BORA: variants seen among roughly 807,000 people sequenced by gnomAD.
The protein encoded by BORA is protein aurora borealis.
Under a neutral mutation model 55.8 loss-of-function variants are expected in BORA, and 26 were observed. The ratio of observed to expected loss-of-function variants is 0.47; its 90% CI spans 0.34 to 0.65. The LOEUF (loss-of-function observed/expected upper bound fraction) is 0.65, where lower values mean the gene tolerates loss of function less well. BORA is among the 30% of genes least tolerant of loss of function. The pLI is 0.01. For synonymous variants in BORA, 201 were observed against 216.9 expected (o/e 0.93, Z 0.64); for missense variants, 568 against 671.5 (o/e 0.85, Z 1.70).
At position 72,731,850 on chromosome 13, in the gene BORA, A is replaced by G. The variant is rs149701506; in HGVS notation, c.260+463A>G. 1.7e-3 allele frequency among the ~76,000 whole-genome samples: 253 copies of G among 152,348 alleles called. 1 individual carries two copies. The highest frequency in any genetic ancestry group is 5.5e-3 in the African/African-American group (229 of 41,586). Reference sequence around the variant, plus strand: ...CTGAATGGAAGGGTATCCATTAGCAACAGAGCGGTTTTTTAGACATCATCC... The same window carrying G: ...CTGAATGGAAGGGTATCCATTAGCAGCAGAGCGGTTTTTTAGACATCATCC... On this transcript the variant is annotated intron_variant, in intron 3 of 11. Coordinates refer to ENST00000390667, the MANE Select transcript of BORA (RefSeq NM_024808.5).
At chr13:72,735,566 T>A (rs904386503) in intron 4 of BORA, among the ~76,000 whole-genome samples, 1 of 152,190 alleles carries the variant, frequency 6.6e-6, no homozygotes, top group African/African-American at 2.4e-5. Context: ...TTTTTATGTC[T>A]GTTGAATTGC....
rs2033430370 is a variant in BORA, at chr13:72,755,369, T to C, written c.*153T>C. On this transcript the variant is annotated 3_prime_UTR_variant, in exon 12 of 12. Transcript: ENST00000390667. ...GTGAAAAATCAAGGGCTTACTGACA[T>C]AGGAACAACAGAAATGCTCCTGGAA... 3 of 578,676 alleles carry C rather than the reference T, an allele frequency of 5.2e-6. No homozygotes were observed. Among genetic ancestry groups the C allele is most frequent in the Middle Eastern group, 5.3e-4 (2 of 3,758 alleles). The allele number at this position is 578,676 out of a possible 1,614,324, so 35.8% of individuals were successfully genotyped here.
At position 72,735,081 on chromosome 13, in the gene BORA, T is replaced by C. The variant is rs146117511; in HGVS notation, c.306+76T>C. On this transcript the variant is annotated intron_variant, in intron 4 of 11. Transcript: ENST00000390667. ...TGTACATCACTTCTTTTAGGAAGACTTTCTTCAATTCCTTCACTGTCCTAT... is the reference window on the plus strand; with the variant it reads ...TGTACATCACTTCTTTTAGGAAGACCTTCTTCAATTCCTTCACTGTCCTAT... The C allele has an allele frequency of 1.2e-3, 1,408 of 1,165,612 alleles. 14 individuals are homozygous for C. In the African/African-American group the frequency reaches 0.019, roughly 16 times the overall value. 72.2% of individuals were successfully genotyped at this position (1,165,612 alleles called of 1,614,324 possible). A position where few individuals can be genotyped will look rare whatever the true frequency, so the allele number is the denominator to read the frequency against.
At position 72,755,260 on chromosome 13, in the gene BORA, C is replaced by A; in HGVS notation, c.*44C>A. Reference sequence around the variant, plus strand: ...AAAGACTAAGCTTAAGAGTTCCTCGCATATATCGTTGTGCACAGGATCAAC... The same window carrying A: ...AAAGACTAAGCTTAAGAGTTCCTCGAATATATCGTTGTGCACAGGATCAAC... On this transcript the variant is annotated 3_prime_UTR_variant, in exon 12 of 12. Transcript: ENST00000390667. 1 of 1,507,940 alleles carries A rather than the reference C, an allele frequency of 6.6e-7. No homozygotes were observed. The highest frequency in any genetic ancestry group is 9.2e-7 in the Non-Finnish European group (1 of 1,086,242). 93.4% of individuals were successfully genotyped at this position (1,507,940 alleles called of 1,614,324 possible).
intron 5 of BORA, among the ~76,000 whole-genome samples, chr13:72,739,310 GA>G (rs2032991499): frequency 6.6e-6 from 1 of 152,066 alleles, no homozygotes; most frequent in Non-Finnish European, 1.5e-5. Context: ...AGTGATGCAG[GA>G]TCAAGAAGAT....
At chr13:72,734,457 GTTATA>G in intron 3 of BORA, among the ~76,000 whole-genome samples, 1 of 152,202 alleles carries the variant, frequency 6.6e-6, no homozygotes, top group East Asian at 1.9e-4. Flanking sequence ...TGGAAAAAAT[GTTATA>G]TTGTCAGTGT....
chr13:72,746,888 TGTTGCA>T lies in BORA; in HGVS notation c.1261_1266del (p.Leu421_Gln422del). On this transcript the variant is annotated inframe_deletion, in exon 10 of 12. Transcript: ENST00000390667. Reference sequence around the variant, plus strand: ...AGTGCTTCTGAGAAAGAATTAGCACTGTTGCAGGATGTTGAAAGGGAGAAAGACAAT... The same window carrying T: ...AGTGCTTCTGAGAAAGAATTAGCACTGGATGTTGAAAGGGAGAAAGACAAT... 1 of 1,614,152 alleles carries T rather than the reference TGTTGCA, an allele frequency of 6.2e-7. No individual in the cohort carries two copies. The highest frequency in any genetic ancestry group is 1.6e-4 in the Middle Eastern group (1 of 6,062).
At chr13:72,753,507 A>G in intron 10 of BORA, 183 bp from the exon 11 acceptor site, 1 of 531,772 alleles carries the variant, frequency 1.9e-6, no homozygotes, top group East Asian at 3.2e-5. Flanking sequence ...GACTACAATA[A>G]TCAGTACTAT....
intron 4 of BORA, among the ~76,000 whole-genome samples, 190 bp from the exon 5 acceptor site, chr13:72,737,772 A>C (rs1414857083): frequency 6.6e-6 from 1 of 152,176 alleles, no homozygotes; most frequent in Admixed American, 6.5e-5. Context: ...GTTGATTTGA[A>C]GTATTAAGAT....
At chr13:72,751,374 A>C (rs1167710470) in intron 10 of BORA, among the ~76,000 whole-genome samples, 1 of 152,190 alleles carries the variant, frequency 6.6e-6, no homozygotes, top group East Asian at 1.9e-4. Flanking sequence ...AGATGAATGG[A>C]TAAAGAAAAT....
intron 10 of BORA, among the ~76,000 whole-genome samples, chr13:72,748,668 C>T (rs1479913479): frequency 6.6e-6 from 1 of 152,136 alleles, no homozygotes. Flanking sequence ...CACATATAGG[C>T]TTAAAAGTAT....
chr13:72,728,092 C>T, intron 1 of BORA, 85 bp downstream of exon 1: 4 of 1,520,368 alleles, frequency 2.6e-6, no homozygotes, highest in Non-Finnish European at 3.6e-6. Context: ...TGCCTGCCCG[C>T]TCGCCCCTGG....
At chr13:72,744,015 G>A (rs1229887748) in intron 6 of BORA, among the ~76,000 whole-genome samples, 1 of 152,144 alleles carries the variant, frequency 6.6e-6, no homozygotes, top group Non-Finnish European at 1.5e-5. Context: ...AGGATTACAG[G>A]CATGAGCCAC....
rs368340273 is a variant in BORA, at chr13:72,740,508, A to G, written c.388+2465A>G. ...ACAATATTCACATTTCAGGTGCTCAATAGCCATGTGGATATCGAGTAGTAT... is the reference window on the plus strand; with the variant it reads ...ACAATATTCACATTTCAGGTGCTCAGTAGCCATGTGGATATCGAGTAGTAT... On this transcript the variant is annotated intron_variant, in intron 5 of 11. Transcript: ENST00000390667. Among the ~76,000 whole-genome samples, 68 of 152,302 alleles carry G rather than the reference A, an allele frequency of 4.5e-4. 1 individual carries two copies. The highest frequency in any genetic ancestry group is 1.5e-3 in the African/African-American group (63 of 41,570).
rs1177757014 is a variant in BORA at position 72,755,692 on chromosome 13, A to T, written c.*476A>T. The T allele has an allele frequency of 1.8e-5, 7 of 395,342 alleles. No homozygotes were observed. Among genetic ancestry groups the T allele is most frequent in the Admixed American group, 4.4e-5 (1 of 22,676 alleles). The allele number at this position is 395,342 out of a possible 1,614,324, so 24.5% of individuals were successfully genotyped here. ...ACTAACTTTTCAAAGATACAAAAGA[A>T]ATTAAACAGGTTTCCTGAAATTTTA... On this transcript the variant is annotated 3_prime_UTR_variant, in exon 12 of 12. Coordinates refer to ENST00000390667, the MANE Select transcript of BORA (RefSeq NM_024808.5).
At chr13:72,747,187 G>T in intron 10 of BORA, 76 bp downstream of exon 10, 7 of 1,470,188 alleles carry the variant, frequency 4.8e-6, no homozygotes, top group Non-Finnish European at 6.4e-6. Flanking sequence ...TATAGTATAA[G>T]AAAGATAATG....
At chr13:72,755,048 A>G (rs2033412389) in intron 11 of BORA, 103 bp from the exon 12 acceptor site, 2 of 868,156 alleles carry the variant, frequency 2.3e-6, no homozygotes, top group Non-Finnish European at 3.8e-6. Flanking sequence ...TTCAGAGTTC[A>G]GCTAAAGAAA....
At chr13:72,748,995 C>G (rs1009076796) in intron 10 of BORA, among the ~76,000 whole-genome samples, 12 of 152,116 alleles carry the variant, frequency 7.9e-5, no homozygotes, top group African/African-American at 2.7e-4. Context: ...TGTGATACCC[C>G]CCAAGCAGTC....
rs531036452 is a variant in BORA, at chr13:72,740,762, A to G, written c.388+2719A>G. On this transcript the variant is annotated intron_variant, in intron 5 of 11. Transcript: ENST00000390667. ...CCAGTAAAACTGTATTTAAAAAAAT[A>G]GGTGAAAGGCCAGATTTGCACCATG... Among the ~76,000 whole-genome samples, 345 of 152,324 alleles carry G rather than the reference A, an allele frequency of 2.3e-3. 1 individual carries two copies. Among genetic ancestry groups the G allele is most frequent in the African/African-American group, 8.0e-3 (334 of 41,582 alleles).
Sources: allele counts gnomAD v4.1 joint callset (sites outside exome capture counted in the v4.1 genomes callset), GRCh38; gene constraint gnomAD v4.1.1; transcripts MANE v1.5; gene names NCBI Gene and HGNC (gene_info 2026-07-23, HGNC 2026-07-21).